Variants in DMAC2L observed in about 807,000 individuals in gnomAD.
DMAC2L encodes the protein distal membrane arm assembly component 2 like.
In DMAC2L, 21 loss-of-function variants were observed where a neutral mutation model predicts 22.5. That is an observed-to-expected ratio of 0.93 (90% CI 0.66 to 1.34). DMAC2L has a LOEUF of 1.34. DMAC2L is among the 40% of genes most tolerant of loss of function. The pLI is 0.00. For missense variants in DMAC2L, 239 were observed against 246.5 expected (o/e 0.97, Z 0.20); for synonymous variants, 86 against 89.5 (o/e 0.96, Z 0.22).
intron 5 of DMAC2L, chr14:50,324,319 G>T: frequency 2.6e-6 from 1 of 378,682 alleles, no homozygotes. Flanking sequence ...TTTTTATAGA[G>T]TATATTTTAA....
At chr14:50,313,398 G>A (rs768241376) in intron 1 of DMAC2L, among the ~76,000 whole-genome samples, 2 of 152,054 alleles carry the variant, frequency 1.3e-5, no homozygotes, top group East Asian at 1.9e-4. Flanking sequence ...GCCGTTGAGC[G>A]GATTACACGA....
chr14:50,327,596 C>G lies in DMAC2L; in HGVS notation c.*1873C>G, dbSNP rs948578095. The G allele has an allele frequency of 1.3e-5, 2 of 151,042 alleles. No individual in the cohort carries two copies. Among genetic ancestry groups the G allele is most frequent in the African/African-American group, 4.9e-5 (2 of 41,032 alleles). 9.4% of individuals were successfully genotyped at this position (151,042 alleles called of 1,614,324 possible). Reference sequence around the variant, plus strand: ...TTCTCTGTCGCAGCGTCCCAGGTAGCTGGGATTACAGGCGCCCACCACCAC... The same window carrying G: ...TTCTCTGTCGCAGCGTCCCAGGTAGGTGGGATTACAGGCGCCCACCACCAC... On this transcript the variant is annotated 3_prime_UTR_variant, in exon 6 of 6. Transcript: ENST00000557421.
intron 2 of DMAC2L, among the ~76,000 whole-genome samples, chr14:50,320,147 A>G (rs576369593): frequency 3.3e-5 from 5 of 152,144 alleles, no homozygotes; most frequent in Non-Finnish European, 1.5e-5. Context: ...GCTGGAGTGC[A>G]GTCTGGTACA....
In DMAC2L at chr14:50,326,537, A is replaced by G. The variant is rs370472521; in HGVS notation, c.*814A>G. On this transcript the variant is annotated 3_prime_UTR_variant, in exon 6 of 6. Transcript: ENST00000557421. ...TCAACAGGATTTGCGTGCATTTCCCATGATCCTGCATTCTTGTGTTCTTGA... is the reference window on the plus strand; with the variant it reads ...TCAACAGGATTTGCGTGCATTTCCCGTGATCCTGCATTCTTGTGTTCTTGA... 2 of 985,456 alleles carry G rather than the reference A, an allele frequency of 2.0e-6. No homozygotes were observed. The allele number at this position is 985,456 out of a possible 1,614,324, so 61.0% of individuals were successfully genotyped here.
intron 2 of DMAC2L, among the ~76,000 whole-genome samples, chr14:50,318,234 C>T (rs746687410): frequency 1.3e-5 from 2 of 152,170 alleles, no homozygotes; most frequent in Non-Finnish European, 2.9e-5. Flanking sequence ...CTATAGAAAG[C>T]GTTCCCAAAG....
rs2032708648 is a variant in DMAC2L at position 50,326,496 on chromosome 14, T to C, written c.*773T>C. On this transcript the variant is annotated 3_prime_UTR_variant, in exon 6 of 6. Coordinates refer to ENST00000557421, the MANE Select transcript of DMAC2L (RefSeq NM_001382507.1). ...ATTATGCAAAGTGGTCAGTGGTTGT[T>C]GAAGCATGCATTGCTTCAACAGGAT... The C allele has an allele frequency of 4.1e-6, 4 of 985,428 alleles. No individual in the cohort carries two copies. Among genetic ancestry groups the C allele is most frequent in the Non-Finnish European group, 4.8e-6 (4 of 829,912 alleles). The allele number at this position is 985,428 out of a possible 1,614,324, so 61.0% of individuals were successfully genotyped here. A position where few individuals can be genotyped will look rare whatever the true frequency, so the allele number is the denominator to read the frequency against.
chr14:50,315,061 G>T (rs978821783), intron 2 of DMAC2L, among the ~76,000 whole-genome samples: 1 of 151,368 alleles, frequency 6.6e-6, no homozygotes, highest in Non-Finnish European at 1.5e-5. Flanking sequence ...CTGCCTCCCG[G>T]GTTCACACCA....
chr14:50,321,923 A>G (rs2032309660), intron 3 of DMAC2L, among the ~76,000 whole-genome samples: 1 of 152,232 alleles, frequency 6.6e-6, no homozygotes, highest in South Asian at 2.1e-4. Context: ...TTTTAAAGGA[A>G]TGTAGTTAAC....
At chr14:50,312,875 A>T in intron 1 of DMAC2L, 1 of 772,800 alleles carries the variant, frequency 1.3e-6, no homozygotes, top group Non-Finnish European at 2.2e-6. Context: ...CTATTCATTC[A>T]GTCATTGATT....
At chr14:50,312,770 G>A (rs2139253712) in intron 1 of DMAC2L, 5 of 496,142 alleles carry the variant, frequency 1.0e-5, no homozygotes, top group South Asian at 8.3e-5. Flanking sequence ...CTCCCTGTCC[G>A]GCCCTAATCC....
At chr14:50,322,379 C>G (rs1455977890) in intron 3 of DMAC2L, 132 bp from the exon 4 acceptor site, 2 of 899,860 alleles carry the variant, frequency 2.2e-6, no homozygotes, top group Non-Finnish European at 3.0e-6. Flanking sequence ...GCATGGATCT[C>G]ACTAATTTAT....
chr14:50,314,684 C>G (rs899381813), intron 2 of DMAC2L, 58 bp downstream of exon 2: 1 of 452,998 alleles, frequency 2.2e-6, no homozygotes, highest in Non-Finnish European at 4.4e-6. Context: ...CTCTGTTGCC[C>G]AGGCTGGAGT....
chr14:50,315,950 T>G (rs2031761394), intron 2 of DMAC2L, among the ~76,000 whole-genome samples: 2 of 152,194 alleles, frequency 1.3e-5, no homozygotes, highest in Non-Finnish European at 2.9e-5. Context: ...GATCAAATGG[T>G]AGTTCTAATT....
At chr14:50,312,009 A>C (rs1439623876), upstream of DMAC2L, 1 of 1,561,224 alleles carries the variant, frequency 6.4e-7, no homozygotes, top group African/African-American at 1.4e-5. Context: ...GCGGCCACTC[A>C]CCTGGTGCTG....
intron 5 of DMAC2L, among the ~76,000 whole-genome samples, chr14:50,325,007 C>G (rs1032409579): frequency 1.3e-5 from 2 of 152,242 alleles, no homozygotes; most frequent in African/African-American, 4.8e-5. Flanking sequence ...AACTCCTGAA[C>G]TCATGATCCG....
At chr14:50,316,623 T>A (rs2031824261) in intron 2 of DMAC2L, among the ~76,000 whole-genome samples, 1 of 152,250 alleles carries the variant, frequency 6.6e-6, no homozygotes, top group Non-Finnish European at 1.5e-5. Context: ...GCTTGCCAGT[T>A]ATCCTAGTAC....
At chr14:50,321,693 C>A in intron 3 of DMAC2L, 99 bp downstream of exon 3, 1 of 767,656 alleles carries the variant, frequency 1.3e-6, no homozygotes, top group South Asian at 2.0e-5. Flanking sequence ...ACAGTTTGTG[C>A]AGTGTGATCC....
chr14:50,312,937 C>T (rs2031383376), intron 1 of DMAC2L: 1 of 1,541,674 alleles, frequency 6.5e-7, no homozygotes, highest in African/African-American at 1.4e-5. Context: ...CACTGGGTAC[C>T]GGAAGAACCA....
rs746733515 is a variant in DMAC2L, at chr14:50,323,941, C to G, written c.317-4C>G. ...GATTCTTAATCTGTACTTTTTCTCC[C>G]CAGAGGGCCTAGAGCATGTTGAAAA... On this transcript the variant is annotated splice_region_variant and splice_polypyrimidine_tract_variant and intron_variant, in intron 4 of 5. Coordinates refer to ENST00000557421, the MANE Select transcript of DMAC2L (RefSeq NM_001382507.1). The G allele has an allele frequency of 3.8e-6, 6 of 1,597,546 alleles. No homozygotes were observed. The highest frequency in any genetic ancestry group is 5.1e-6 in the Non-Finnish European group (6 of 1,172,978).
Sources: allele counts gnomAD v4.1 joint callset (sites outside exome capture counted in the v4.1 genomes callset), GRCh38; gene constraint gnomAD v4.1.1; transcripts MANE v1.5; gene names NCBI Gene and HGNC (gene_info 2026-07-23, HGNC 2026-07-21).